KCTD9: variants seen among roughly 807,000 people sequenced by gnomAD.
KCTD9 encodes the protein BTB/POZ domain-containing protein KCTD9.
In KCTD9, 17 loss-of-function variants were observed where a neutral mutation model predicts 53.3. That is an observed-to-expected ratio of 0.32 (90% CI 0.22 to 0.48). The LOEUF (loss-of-function observed/expected upper bound fraction) is 0.48, where lower values mean the gene tolerates loss of function less well. Among genes scored for constraint, KCTD9 ranks in the 20% least tolerant of loss-of-function variants. KCTD9 has a pLI of 0.99. For synonymous variants in KCTD9, 128 were observed against 162.7 expected (o/e 0.79, Z 1.62); for missense variants, 179 against 465.5 (o/e 0.38, Z 5.66).
chr8:25,434,726 T>C (rs530930541), intron 9 of KCTD9, among the ~76,000 whole-genome samples: 1 of 152,300 alleles, frequency 6.6e-6, no homozygotes, highest in South Asian at 2.1e-4. Flanking sequence ...AGCAAGATGG[T>C]ATTAATTCAA....
At chr8:25,453,792 T>C (rs886112568) in intron 1 of KCTD9, among the ~76,000 whole-genome samples, 1 of 152,210 alleles carries the variant, frequency 6.6e-6, no homozygotes, top group African/African-American at 2.4e-5. Flanking sequence ...ATGCTACTTC[T>C]TGGGTTATCT....
At chr8:25,451,553 G>C (rs1802320174) in intron 1 of KCTD9, 2 of 152,102 alleles carry the variant, frequency 1.3e-5, no homozygotes, top group African/African-American at 4.8e-5. Flanking sequence ...CCTAAGAATA[G>C]AAGCATTTTA....
chr8:25,439,019 T>G (rs1425677763), intron 6 of KCTD9, among the ~76,000 whole-genome samples: 1 of 152,206 alleles, frequency 6.6e-6, no homozygotes, highest in Non-Finnish European at 1.5e-5. Context: ...ATTTAGAATA[T>G]AAAGTTGATG....
intron 1 of KCTD9, among the ~76,000 whole-genome samples, chr8:25,448,184 A>T (rs1174718283): frequency 1.3e-5 from 2 of 151,252 alleles, no homozygotes; most frequent in African/African-American, 4.9e-5. Flanking sequence ...AAGAAAAAGG[A>T]AAGGAAAGCA....
chr8:25,456,100 T>G (rs1459033533), intron 1 of KCTD9, among the ~76,000 whole-genome samples: 1 of 152,180 alleles, frequency 6.6e-6, no homozygotes, highest in African/African-American at 2.4e-5. Context: ...TTGGAAGAAT[T>G]CTGTGCCTCT....
chr8:25,451,267 G>T (rs929728012), intron 1 of KCTD9, among the ~76,000 whole-genome samples: 18 of 152,156 alleles, frequency 1.2e-4, no homozygotes, highest in Non-Finnish European at 2.1e-4. Flanking sequence ...CATACATATG[G>T]AAAAGATGAT....
intron 1 of KCTD9, among the ~76,000 whole-genome samples, chr8:25,454,490 C>A (rs1298337709): frequency 6.6e-6 from 1 of 152,214 alleles, no homozygotes; most frequent in Admixed American, 6.5e-5. Context: ...TCAGAAGCCA[C>A]ACACTGCATG....
rs774062024 is a variant in KCTD9, at chr8:25,439,425, TAAAG to T, written c.371-22_371-19del. ...CCAGACACCTGTGTCACCATTATAATAAAGAAAGTCCCCCATAAACAAAAAATAA... is the reference window on the plus strand; with the variant it reads ...CCAGACACCTGTGTCACCATTATAATAAAGTCCCCCATAAACAAAAAATAA... On this transcript the variant is annotated intron_variant, in intron 5 of 11. Transcript: ENST00000221200. 8.8e-6 allele frequency: 14 copies of T among 1,587,088 alleles called. No homozygotes were observed. The highest frequency in any genetic ancestry group is 1.9e-5 in the Admixed American group (1 of 53,286).
At chr8:25,451,360 TC>T (rs979228769) in intron 1 of KCTD9, 8 of 152,182 alleles carry the variant, frequency 5.3e-5, no homozygotes, top group African/African-American at 1.7e-4. Flanking sequence ...GCAATAAAAA[TC>T]TTGTATATCA....
chr8:25,451,044 G>C (rs1466571249), intron 1 of KCTD9, among the ~76,000 whole-genome samples: 1 of 152,154 alleles, frequency 6.6e-6, no homozygotes, highest in Non-Finnish European at 1.5e-5. Context: ...CTAGAAATTT[G>C]AAAATTTCCC....
chr8:25,436,374 A>G (rs747230762), intron 7 of KCTD9, 44 bp from the exon 8 acceptor site: 5 of 1,591,348 alleles, frequency 3.1e-6, no homozygotes, highest in South Asian at 1.1e-5. Flanking sequence ...TTTGGGAGAT[A>G]GCTACAATGA....
Position 25,436,424 on chromosome 8 carries a change from T to G in KCTD9, c.561A>C (p.Ala187=), listed in dbSNP as rs1563245823. ...IDSLIEHLEV[A]IKNSQPPEDH... ...AATGTAAAAACAGGCTTACCTTTAT[T>G]GCCACTTCTAGGTGTTCAATCAATG... Residue 187 remains alanine (A), a synonymous_variant, in exon 7 of 12, where the codon GCA becomes GCC. Transcript: ENST00000221200. The G allele has an allele frequency of 6.2e-7, 1 of 1,610,658 alleles. No homozygotes were observed. Among genetic ancestry groups the G allele is most frequent in the Non-Finnish European group, 8.5e-7 (1 of 1,178,986 alleles).
intron 1 of KCTD9, among the ~76,000 whole-genome samples, chr8:25,453,746 C>T (rs990692759): frequency 2.0e-5 from 3 of 151,618 alleles, no homozygotes; most frequent in Non-Finnish European, 4.4e-5. Context: ...AACAGGAGTA[C>T]AGGAACGTGG....
chr8:25,454,024 A>G (rs1444403471), intron 1 of KCTD9, among the ~76,000 whole-genome samples: 1 of 152,164 alleles, frequency 6.6e-6, no homozygotes, highest in Non-Finnish European at 1.5e-5. Flanking sequence ...GATACTTACT[A>G]CTAACAACAT....
At chr8:25,451,068 A>G (rs1474154606) in intron 1 of KCTD9, among the ~76,000 whole-genome samples, 17 of 152,196 alleles carry the variant, frequency 1.1e-4, no homozygotes, top group Non-Finnish European at 5.9e-5. Flanking sequence ...AGTTGGGCCA[A>G]TATACTTGTT....
Position 25,436,602 on chromosome 8 carries a change from A to G in KCTD9, c.500-117T>C, listed in dbSNP as rs1170822588. 7 of 635,222 alleles carry G rather than the reference A, an allele frequency of 1.1e-5. No homozygotes were observed. In the African/African-American group the frequency reaches 1.3e-4, roughly 12 times the overall value. The allele number at this position is 635,222 out of a possible 1,614,324, so 39.3% of individuals were successfully genotyped here. The stretch of plus-strand genomic sequence containing the variant: ...TCTTAACATTTAATTGCCTTTTTAA[A>G]TGGAGCAGATCTGAACAGGTTTGCC... On this transcript the variant is annotated intron_variant, in intron 6 of 11. Transcript: ENST00000221200.
At chr8:25,430,828 C>G (rs1343468580) in intron 11 of KCTD9, among the ~76,000 whole-genome samples, 1 of 151,614 alleles carries the variant, frequency 6.6e-6, no homozygotes, top group Non-Finnish European at 1.5e-5. Flanking sequence ...CACACACACA[C>G]ACACACACAC....
chr8:25,435,280 A>G (rs1801997037), intron 9 of KCTD9, 83 bp downstream of exon 9: 3 of 880,584 alleles, frequency 3.4e-6, no homozygotes, highest in Non-Finnish European at 4.9e-6. Flanking sequence ...AAAGATAGTT[A>G]TAATTCCTGT....
intron 2 of KCTD9, among the ~76,000 whole-genome samples, chr8:25,445,629 T>G (rs1178955671): frequency 6.6e-6 from 1 of 152,152 alleles, no homozygotes; most frequent in Non-Finnish European, 1.5e-5. Flanking sequence ...TTTAAAGAGA[T>G]AAATCTGCCT....
Sources: gnomAD v4.1 joint callset for allele counts (sites outside exome capture counted in the v4.1 genomes callset) on GRCh38, gnomAD v4.1.1 for gene constraint, MANE v1.5 for transcripts, NCBI Gene and HGNC (gene_info 2026-07-23, HGNC 2026-07-21) for gene names.